Variants in HHAT observed in about 807,000 individuals in gnomAD.
HHAT encodes protein-cysteine N-palmitoyltransferase HHAT.
In HHAT, 47 loss-of-function variants were observed where a neutral mutation model predicts 70.8. That is an observed-to-expected ratio of 0.66 (90% CI 0.53 to 0.85). The LOEUF (loss-of-function observed/expected upper bound fraction) is 0.85, where lower values mean the gene tolerates loss of function less well. Ranked by LOEUF, HHAT falls within the 40% of genes least tolerant of loss-of-function variation. The pLI is 0.00. For synonymous variants in HHAT, 228 were observed against 247.6 expected (o/e 0.92, Z 0.74); for missense variants, 609 against 604.8 (o/e 1.01, Z -0.07).
intron 11 of HHAT, among the ~76,000 whole-genome samples, chr1:210,661,802 A>T (rs1462895341): frequency 6.6e-6 from 1 of 151,952 alleles, no homozygotes; most frequent in Non-Finnish European, 1.5e-5. Context: ...ATCACCGTAA[A>T]CACCACATGT....
At chr1:210,371,992 G>A (rs1164651104) in intron 3 of HHAT, among the ~76,000 whole-genome samples, 1 of 152,158 alleles carries the variant, frequency 6.6e-6, no homozygotes, top group Non-Finnish European at 1.5e-5. Context: ...TTTCTGATCT[G>A]GGTTGTGATA....
At chr1:210,372,480 TAAAC>T (rs377620772) in intron 3 of HHAT, among the ~76,000 whole-genome samples, 8 of 152,352 alleles carry the variant, frequency 5.3e-5, no homozygotes, top group African/African-American at 1.4e-4. Context: ...AGTGGTATGT[TAAAC>T]AGTGAAGGTG....
At chr1:210,545,032 A>G (rs569084949) in intron 9 of HHAT, among the ~76,000 whole-genome samples, 31 of 151,852 alleles carry the variant, frequency 2.0e-4, no homozygotes, top group African/African-American at 6.8e-4. Flanking sequence ...CAACATCCAC[A>G]TGTTCTCTTC....
chr1:210,434,420 G>T (rs943686550), intron 7 of HHAT, among the ~76,000 whole-genome samples: 1 of 151,854 alleles, frequency 6.6e-6, no homozygotes, highest in African/African-American at 2.4e-5. Context: ...GGAATGTTCA[G>T]GAAGAGGGTA....
chr1:210,633,785 A>C (rs1299699104), intron 11 of HHAT, among the ~76,000 whole-genome samples: 1 of 152,124 alleles, frequency 6.6e-6, no homozygotes, highest in African/African-American at 2.4e-5. Flanking sequence ...GCCACCCTGC[A>C]TCCCACCAAC....
chr1:210,456,425 G>C (rs534749374), intron 7 of HHAT, among the ~76,000 whole-genome samples: 2 of 152,124 alleles, frequency 1.3e-5, no homozygotes, highest in Non-Finnish European at 2.9e-5. Context: ...CAGATGCAGC[G>C]GGTTCCTGGG....
chr1:210,673,881 C>A (rs894879472), intron 11 of HHAT, among the ~76,000 whole-genome samples: 1 of 151,262 alleles, frequency 6.6e-6, no homozygotes, highest in African/African-American at 2.4e-5. Flanking sequence ...GTGATCCTCC[C>A]ACCTCAGCCT....
chr1:210,658,656 A>G (rs552181379), intron 11 of HHAT, among the ~76,000 whole-genome samples: 10 of 152,288 alleles, frequency 6.6e-5, no homozygotes, highest in Non-Finnish European at 1.3e-4. Flanking sequence ...ACCACACTGC[A>G]ATTATTCCAA....
chr1:210,497,402 C>G (rs1026377656), intron 8 of HHAT, among the ~76,000 whole-genome samples: 1 of 152,132 alleles, frequency 6.6e-6, no homozygotes, highest in Non-Finnish European at 1.5e-5. Context: ...GTTAAAAGAC[C>G]AGTAGAAAAC....
intron 9 of HHAT, among the ~76,000 whole-genome samples, chr1:210,556,093 A>G (rs1197230335): frequency 1.3e-5 from 2 of 151,802 alleles, no homozygotes; most frequent in African/African-American, 4.8e-5. Context: ...AGTTTAGTCT[A>G]TACTCTCATT....
At chr1:210,388,668 T>TG (rs1238714949) in intron 4 of HHAT, among the ~76,000 whole-genome samples, 2 of 151,926 alleles carry the variant, frequency 1.3e-5, no homozygotes, top group African/African-American at 4.8e-5. Context: ...CTAATAATAA[T>TG]TTTTTTTGTT....
chr1:210,465,123 T>A (rs1397506303), intron 8 of HHAT, among the ~76,000 whole-genome samples: 1 of 152,250 alleles, frequency 6.6e-6, no homozygotes, highest in Non-Finnish European at 1.5e-5. Context: ...AGATAATCCC[T>A]GTCTCCAGGA....
intron 7 of HHAT, among the ~76,000 whole-genome samples, chr1:210,445,301 T>A (rs1258542804): frequency 6.6e-6 from 1 of 152,236 alleles, no homozygotes; most frequent in Non-Finnish European, 1.5e-5. Context: ...TTGCAAGCCC[T>A]ATGTTCTTTA....
intron 5 of HHAT, among the ~76,000 whole-genome samples, chr1:210,401,343 G>T (rs1469730043): frequency 2.6e-5 from 4 of 152,122 alleles, no homozygotes; most frequent in African/African-American, 9.7e-5. Flanking sequence ...CAAACTCCTG[G>T]CTTCATGTGA....
intron 3 of HHAT, among the ~76,000 whole-genome samples, chr1:210,363,251 C>T (rs574841357): frequency 6.6e-6 from 1 of 152,354 alleles, no homozygotes; most frequent in Admixed American, 6.5e-5. Context: ...CCTATACCAA[C>T]TGCCGGCAGC....
chr1:210,368,420 T>G (rs1305096556), intron 3 of HHAT, among the ~76,000 whole-genome samples: 2 of 152,150 alleles, frequency 1.3e-5, no homozygotes, highest in Non-Finnish European at 2.9e-5. Context: ...GCCTCCTGAG[T>G]AGCTGGGGTT....
intron 9 of HHAT, among the ~76,000 whole-genome samples, chr1:210,539,204 A>G (rs1573144260): frequency 6.6e-6 from 1 of 152,334 alleles, no homozygotes; most frequent in East Asian, 1.9e-4. Flanking sequence ...GGAAGAGAAA[A>G]AAGGTGTAGG....
At chr1:210,569,686 A>G (rs1211702244) in intron 9 of HHAT, among the ~76,000 whole-genome samples, 1 of 152,062 alleles carries the variant, frequency 6.6e-6, no homozygotes, top group Admixed American at 6.5e-5. Flanking sequence ...AATTCAAACC[A>G]TCTCCTGCTT....
intron 10 of HHAT, among the ~76,000 whole-genome samples, chr1:210,600,924 C>T (rs1664117637): frequency 6.6e-6 from 1 of 152,096 alleles, no homozygotes; most frequent in Non-Finnish European, 1.5e-5. Context: ...ACGTTCTCCT[C>T]TCCCAGCCTG....
Sources: gnomAD v4.1 joint callset for allele counts (sites outside exome capture counted in the v4.1 genomes callset) on GRCh38, gnomAD v4.1.1 for gene constraint, MANE v1.5 for transcripts, NCBI Gene and HGNC (gene_info 2026-07-23, HGNC 2026-07-21) for gene names.